Variants in TCF4 observed in about 807,000 individuals in gnomAD.
The protein encoded by TCF4 is SL3-3 enhancer factor 2.
A neutral mutation model predicts 82.1 loss-of-function variants in TCF4; 3 were observed. The ratio of observed to expected loss-of-function variants is 0.04; its 90% CI spans 0.02 to 0.09. The LOEUF is 0.09. Ranked by LOEUF, TCF4 falls within the 10% of genes least tolerant of loss-of-function variation. The pLI is 1.00. For synonymous variants in TCF4, 276 were observed against 309.6 expected (o/e 0.89, Z 1.14); for missense variants, 518 against 852.7 (o/e 0.61, Z 4.89).
rs550910315 is a variant in TCF4, at chr18:55,633,639, G to A, written c.195+2064C>T. ...GAGTAAAGAAAGAGAGGCTAGAGCA[G>A]GGGTGGGCAAACTTTTTCTGTAAAG... On this transcript the variant is annotated intron_variant, in intron 1 of 20. Transcript: ENST00000398339. The surrounding 1 kb of genome is among the most constrained non-coding windows in gnomAD (Gnocchi z 4.0). Among the ~76,000 whole-genome samples, 55 of 152,274 alleles carry A rather than the reference G, an allele frequency of 3.6e-4. No individual in the cohort carries two copies. The highest frequency in any genetic ancestry group is 1.3e-3 in the African/African-American group (55 of 41,552).
chr18:55,428,669 A>G (rs980358727), intron 5 of TCF4, among the ~76,000 whole-genome samples: 2 of 152,220 alleles, frequency 1.3e-5, no homozygotes, highest in African/African-American at 4.8e-5. Context: ...TTTCATTACT[A>G]TGCTCTATCA....
chr18:55,616,633 CT>C (rs1033136071), intron 2 of TCF4, among the ~76,000 whole-genome samples: 10 of 151,968 alleles, frequency 6.6e-5, no homozygotes, highest in African/African-American at 1.2e-4. Context: ...TTTATCTTTT[CT>C]TTTTTTAATA....
At chr18:55,468,880 C>T (rs967826971) in intron 3 of TCF4, among the ~76,000 whole-genome samples, 7 of 18,636 alleles carry the variant, frequency 3.8e-4, no homozygotes, top group Non-Finnish European at 7.4e-4. Context: ...ATTTAGTTCT[C>T]GCCCCCCCCC....
At chr18:55,446,098 T>C (rs2095520472) in intron 5 of TCF4, among the ~76,000 whole-genome samples, 1 of 152,150 alleles carries the variant, frequency 6.6e-6, no homozygotes, top group Non-Finnish European at 1.5e-5. Flanking sequence ...GAATAGGATA[T>C]ATGTAAGGAT....
At chr18:55,400,054 T>C (rs756337585) in intron 6 of TCF4, among the ~76,000 whole-genome samples, 7 of 152,090 alleles carry the variant, frequency 4.6e-5, no homozygotes, top group Admixed American at 2.6e-4. Context: ...TGTTTTGATA[T>C]CATCATCTCA....
intron 6 of TCF4, among the ~76,000 whole-genome samples, chr18:55,376,018 CTTTTTTTTT>C: frequency 8.1e-6 from 1 of 122,750 alleles, no homozygotes; most frequent in African/African-American, 3.2e-5. Context: ...TTTTCTTCTC[CTTTTTTTTT>C]TTTTTTTTTT....
intron 3 of TCF4, among the ~76,000 whole-genome samples, chr18:55,566,059 A>G (rs2147420482): frequency 6.6e-6 from 1 of 151,308 alleles, no homozygotes; most frequent in East Asian, 1.9e-4. Context: ...AAAAAAAAAA[A>G]AAAATTAGCC....
chr18:55,483,640 C>A (rs1016503710), intron 3 of TCF4, among the ~76,000 whole-genome samples: 1 of 152,148 alleles, frequency 6.6e-6, no homozygotes, highest in African/African-American at 2.4e-5. Context: ...CTTTGATATG[C>A]ACCCTAGTGA....
chr18:55,336,683 G>T (rs1041909914), intron 8 of TCF4, among the ~76,000 whole-genome samples: 1 of 152,032 alleles, frequency 6.6e-6, no homozygotes, highest in Non-Finnish European at 1.5e-5. Flanking sequence ...ATGATTTGGT[G>T]CAAAGAAAAA....
chr18:55,432,785 A>T (rs1868951943), intron 5 of TCF4, among the ~76,000 whole-genome samples: 1 of 152,226 alleles, frequency 6.6e-6, no homozygotes, highest in South Asian at 2.1e-4. Flanking sequence ...CACTGACCTG[A>T]ATTCCACAGA....
intron 13 of TCF4, among the ~76,000 whole-genome samples, chr18:55,258,690 CTTTG>C (rs763021846): frequency 6.6e-6 from 1 of 152,114 alleles, no homozygotes; most frequent in Non-Finnish European, 1.5e-5. Context: ...ATGAAAGCTA[CTTTG>C]TTTGAAATGT....
At chr18:55,363,156 G>A (rs1569196112) in intron 6 of TCF4, among the ~76,000 whole-genome samples, 1 of 152,060 alleles carries the variant, frequency 6.6e-6, no homozygotes. Flanking sequence ...TTACAAAGAT[G>A]TAAGTTGAGA....
intron 6 of TCF4, among the ~76,000 whole-genome samples, chr18:55,355,338 C>A (rs140826344): frequency 1.2e-3 from 189 of 152,242 alleles, no homozygotes; most frequent in South Asian, 2.5e-3. Context: ...ATAGCTAATT[C>A]TGCACAGAAT....
At chr18:55,358,360 A>G (rs930291066) in intron 6 of TCF4, among the ~76,000 whole-genome samples, 1 of 152,248 alleles carries the variant, frequency 6.6e-6, no homozygotes, top group Non-Finnish European at 1.5e-5. Context: ...AGGTAGTAAT[A>G]GTAGTATGAG....
At chr18:55,251,029 C>A (rs750705495) in intron 15 of TCF4, among the ~76,000 whole-genome samples, 18 of 152,028 alleles carry the variant, frequency 1.2e-4, no homozygotes, top group Non-Finnish European at 1.9e-4. Flanking sequence ...TAGGGCTGGA[C>A]AAGACAAAGA....
intron 5 of TCF4, among the ~76,000 whole-genome samples, chr18:55,412,105 A>C (rs539035862): frequency 3.9e-5 from 6 of 152,284 alleles, no homozygotes; most frequent in African/African-American, 1.2e-4. Flanking sequence ...ACAAGCAACC[A>C]ATTTAAGTGA....
chr18:55,379,848 T>C (rs538760359), intron 6 of TCF4, among the ~76,000 whole-genome samples: 2 of 152,216 alleles, frequency 1.3e-5, no homozygotes, highest in East Asian at 3.9e-4. Flanking sequence ...AGGACCAGAA[T>C]GGCTGGATTC....
At chr18:55,572,532 G>C (rs1238565588) in intron 3 of TCF4, among the ~76,000 whole-genome samples, 1 of 152,108 alleles carries the variant, frequency 6.6e-6, no homozygotes, top group African/African-American at 2.4e-5. Context: ...GGAGTTACCA[G>C]GTAATTTCCT....
chr18:55,627,018 A>T (rs1050087283), intron 2 of TCF4, among the ~76,000 whole-genome samples: 1 of 152,230 alleles, frequency 6.6e-6, no homozygotes, highest in African/African-American at 2.4e-5. Context: ...GCCAATGTTC[A>T]GCTAATCGAT....
Sources: allele counts gnomAD v4.1 joint callset (sites outside exome capture counted in the v4.1 genomes callset), GRCh38; gene constraint gnomAD v4.1.1; non-coding constraint Gnocchi (gnomAD v3.1); transcripts MANE v1.5; gene names NCBI Gene and HGNC (gene_info 2026-07-23, HGNC 2026-07-21).